Variants in DNAH8 observed in about 807,000 individuals in gnomAD.
DNAH8 encodes the protein axonemal beta dynein heavy chain 8.
DNAH8 carries 382 observed loss-of-function variants against 562.1 expected under a neutral mutation model. The observed-to-expected ratio is 0.68, with a 90% CI of 0.63 to 0.74. The LOEUF (loss-of-function observed/expected upper bound fraction) is 0.74, where lower values mean the gene tolerates loss of function less well. Ranked by LOEUF, DNAH8 falls within the 30% of genes least tolerant of loss-of-function variation. DNAH8 has a pLI of 0.00. For missense variants in DNAH8, 5,203 were observed against 5,620.4 expected (o/e 0.93, Z 2.37); for synonymous variants, 1,881 against 1,919.4 (o/e 0.98, Z 0.52).
intron 73 of DNAH8, among the ~76,000 whole-genome samples, 189 bp from the exon 74 acceptor site, chr6:38,925,866 G>GT (rs200756112): frequency 0.013 from 1,981 of 150,212 alleles, 37 homozygotes; most frequent in Middle Eastern, 0.038. Flanking sequence ...TAATAAATTT[G>GT]TTTTTTTTTA....
At chr6:38,860,371 GA>G in intron 42 of DNAH8, 85 bp from the exon 43 acceptor site, 2 of 662,604 alleles carry the variant, frequency 3.0e-6, no homozygotes, top group Non-Finnish European at 4.5e-6. Context: ...GTTCATCAAA[GA>G]GTGAATTTTA....
In DNAH8 at chr6:38,862,312, TGAACATGGGA is replaced by T; in HGVS notation, c.6166_6175del (p.Asn2056ValfsTer40). The stretch of plus-strand genomic sequence containing the variant: ...ATCACGTTAGCTCAGGCCTTGGGCA[TGAACATGGGA>T]GGTGCTCCCGCAGGACCTGCTGGCA... On this transcript the variant is annotated frameshift_variant, in exon 44 of 93. Coordinates refer to ENST00000327475, the MANE Select transcript of DNAH8 (RefSeq NM_001206927.2). LOFTEE classifies it high-confidence loss of function. 1 of 1,613,994 alleles carries T rather than the reference TGAACATGGGA, an allele frequency of 6.2e-7. No individual in the cohort carries two copies. Among genetic ancestry groups the T allele is most frequent in the Non-Finnish European group, 8.5e-7 (1 of 1,179,938 alleles).
rs1761349331 is a variant in DNAH8 at position 38,945,683 on chromosome 6, C to T, written c.12129+95C>T. The T allele has an allele frequency of 3.9e-6, 6 of 1,531,472 alleles. No individual in the cohort carries two copies. In the South Asian group the frequency reaches 4.6e-5, roughly 12 times the overall value. The allele number at this position is 1,531,472 out of a possible 1,614,324, so 94.9% of individuals were successfully genotyped here. A position where few individuals can be genotyped will look rare whatever the true frequency, so the allele number is the denominator to read the frequency against. ...GGGCTTCCTGGCAGCAATTCCTTCA[C>T]CCAAAAAAGTCAACCCAATAGTTTG... On this transcript the variant is annotated intron_variant, in intron 80 of 92. Coordinates refer to ENST00000327475, the MANE Select transcript of DNAH8 (RefSeq NM_001206927.2).
rs199666314 is a variant in DNAH8, at chr6:38,842,546, G to C, written c.4604+41G>C. On this transcript the variant is annotated intron_variant, in intron 34 of 92. Coordinates refer to ENST00000327475, the MANE Select transcript of DNAH8 (RefSeq NM_001206927.2). The stretch of plus-strand genomic sequence containing the variant: ...ATTTTTTATAATGCCTGTCTTCTTA[G>C]GATCCTATAGGTATTTCAGAAGCTA... The C allele has an allele frequency of 6.8e-5, 109 of 1,597,836 alleles. No individual in the cohort carries two copies. The Middle Eastern group carries it at 7.4e-4, about 11-fold the overall frequency.
At chr6:38,788,873 C>T (rs146127863) in intron 18 of DNAH8, among the ~76,000 whole-genome samples, 5 of 152,170 alleles carry the variant, frequency 3.3e-5, no homozygotes, top group African/African-American at 7.2e-5. Flanking sequence ...AGATTTGTGG[C>T]GTGTTGTCTT....
chr6:38,952,636 TC>T (rs1761996800), intron 82 of DNAH8, among the ~76,000 whole-genome samples: 1 of 152,176 alleles, frequency 6.6e-6, no homozygotes, highest in Non-Finnish European at 1.5e-5. Flanking sequence ...TAGCCACATG[TC>T]CCTCTGCATA....
chr6:38,822,809 A>T, intron 26 of DNAH8, 29 bp from the exon 27 acceptor site: 1 of 1,463,088 alleles, frequency 6.8e-7, no homozygotes. Flanking sequence ...TATAGAAGTT[A>T]TTTATAGTGT....
Position 38,770,517 on chromosome 6 carries a change from T to C in DNAH8, c.1722T>C (p.Tyr574=), listed in dbSNP as rs752383574. The C allele has an allele frequency of 1.0e-5, 16 of 1,604,420 alleles. No individual in the cohort carries two copies. Among genetic ancestry groups the C allele is most frequent in the Admixed American group, 5.3e-5 (3 of 57,076 alleles). Residue 574 remains tyrosine (Y), a synonymous_variant, in exon 12 of 93, where the codon TAT becomes TAC. Transcript: ENST00000327475. The part of the protein sequence containing the change: ...GEKSFEVSEM[Y]IFGKFEAFCK... Reference sequence around the variant, plus strand: ...AATCTTTTGAGGTTTCAGAAATGTATATATTTGGAAAATTTGAAGCTTTTT... The same window carrying C: ...AATCTTTTGAGGTTTCAGAAATGTACATATTTGGAAAATTTGAAGCTTTTT...
In DNAH8 at chr6:38,775,836, A is replaced by G. The variant is rs761466636; in HGVS notation, c.1847A>G (p.Lys616Arg). ...GAAGGAATAGATATTATGGCAATAA[A>G]ATTCAGAAATATATACCAAGGGGTT... The part of the protein sequence containing the change: ...TIEGIDIMAI[K>R]FRNIYQGVKK... The change falls in exon 13 of 93, where the codon AAA (lysine) becomes AGA (arginine). Residue 616 changes from lysine (K) to arginine (R), a missense_variant. Transcript: ENST00000327475. The G allele has an allele frequency of 2.5e-6, 4 of 1,605,754 alleles. No individual in the cohort carries two copies. The Admixed American group carries it at 5.0e-5, about 20-fold the overall frequency.
In DNAH8 at chr6:38,815,504, A is replaced by G. The variant is rs747236022; in HGVS notation, c.3370A>G (p.Ile1124Val). ...TAGTTTGGATGACATTCAACAAGCC[A>G]TTAACCGTATGATCCAGTTAACCCT... ...IPSLDDIQQA[I>V]NRMIQLTLEV... Residue 1124 changes from isoleucine to valine, a missense_variant, in exon 26 of 93, where the codon ATT becomes GTT. By Grantham distance (29) the Ile-to-Val change is conservative. This residue lies in a region of DNAH8 where 2,176 missense variants were observed against 2,365.1 expected (regional missense o/e 0.92). Transcript: ENST00000327475. The G allele has an allele frequency of 1.2e-5, 20 of 1,613,902 alleles. No individual in the cohort carries two copies. Among genetic ancestry groups the G allele is most frequent in the Admixed American group, 1.0e-4 (6 of 59,982 alleles).
chr6:38,994,110 A>T (rs578230064), intron 88 of DNAH8, among the ~76,000 whole-genome samples: 1 of 152,322 alleles, frequency 6.6e-6, no homozygotes, highest in East Asian at 1.9e-4. Flanking sequence ...GACAGTGAGA[A>T]ATGTTATCTC....
chr6:38,756,825 C>T (rs1198931523), intron 10 of DNAH8, among the ~76,000 whole-genome samples: 1 of 152,044 alleles, frequency 6.6e-6, no homozygotes, highest in South Asian at 2.1e-4. Context: ...CCAGCTTCAT[C>T]CATGTCCCTA....
intron 40 of DNAH8, 78 bp downstream of exon 40, chr6:38,852,876 G>C: frequency 5.4e-6 from 6 of 1,114,768 alleles, no homozygotes; most frequent in Non-Finnish European, 6.6e-6. Flanking sequence ...TTCTCTTACA[G>C]AAAAAAACAG....
intron 53 of DNAH8, among the ~76,000 whole-genome samples, chr6:38,882,655 C>G (rs988282874): frequency 3.3e-5 from 5 of 152,120 alleles, no homozygotes; most frequent in Non-Finnish European, 5.9e-5. Flanking sequence ...CGACAAACCC[C>G]TGTATATCTA....
intron 75 of DNAH8, 105 bp from the exon 76 acceptor site, chr6:38,931,706 A>C: frequency 1.6e-6 from 1 of 613,906 alleles, no homozygotes; most frequent in East Asian, 3.0e-5. Flanking sequence ...TTCCCAATTT[A>C]TTGAAGCGTC....
chr6:38,922,639 C>T (rs990287984), intron 71 of DNAH8, among the ~76,000 whole-genome samples: 6 of 151,942 alleles, frequency 3.9e-5, no homozygotes, highest in African/African-American at 1.5e-4. Context: ...TTGATACAAG[C>T]CGGCTGCTAC....
intron 12 of DNAH8, 116 bp downstream of exon 12, chr6:38,770,675 G>T: frequency 2.0e-6 from 2 of 1,000,930 alleles, no homozygotes; most frequent in South Asian, 2.5e-5. Flanking sequence ...CTATTGTTAT[G>T]ACTTGTCTAA....
At chr6:38,756,530 T>C (rs1376850280) in intron 10 of DNAH8, among the ~76,000 whole-genome samples, 2 of 152,168 alleles carry the variant, frequency 1.3e-5, no homozygotes, top group African/African-American at 4.8e-5. Flanking sequence ...CATTCTTTTT[T>C]TTATTATACA....
In DNAH8 at chr6:39,030,054, A is replaced by T. The variant is rs1245093853; in HGVS notation, c.13837-51A>T. ...TGACAGCCTTTATGACTAATTTTGCAGCACCTAGTTTAAAAAATAAATCCT... is the reference window on the plus strand; with the variant it reads ...TGACAGCCTTTATGACTAATTTTGCTGCACCTAGTTTAAAAAATAAATCCT... On this transcript the variant is annotated intron_variant, in intron 92 of 92. Transcript: ENST00000327475. 4.8e-6 allele frequency: 7 copies of T among 1,470,846 alleles called. No individual in the cohort carries two copies. In the African/African-American group the frequency reaches 9.8e-5, roughly 21 times the overall value. The allele number at this position is 1,470,846 out of a possible 1,614,324, so 91.1% of individuals were successfully genotyped here.
Sources: gnomAD v4.1 joint callset for allele counts (sites outside exome capture counted in the v4.1 genomes callset) on GRCh38, gnomAD v4.1.1 for gene constraint, gnomAD v4.1.1 regional missense constraint, MANE v1.5 for transcripts, NCBI Gene and HGNC (gene_info 2026-07-23, HGNC 2026-07-21) for gene names.